The following FAF1 variants were observed in gnomAD, a reference collection of about 807,000 sequenced individuals.
The protein encoded by FAF1 is FAS-associated factor 1.
A neutral mutation model predicts 92.5 loss-of-function variants in FAF1; 25 were observed. That is an observed-to-expected ratio of 0.27 (90% CI 0.20 to 0.38). The LOEUF (loss-of-function observed/expected upper bound fraction) is 0.38. FAF1 is among the 10% of genes least tolerant of loss of function. The pLI is 1.00. For synonymous variants in FAF1, 234 were observed against 273.2 expected, an observed-to-expected ratio of 0.86 and a Z score of 1.42; for missense variants, 636 against 793.3, an observed-to-expected ratio of 0.80 and a Z score of 2.38.
intron 13 of FAF1, among the ~76,000 whole-genome samples, chr1:50,552,340 C>G (rs1444549990): frequency 6.6e-6 from 1 of 151,678 alleles, no homozygotes; most frequent in Non-Finnish European, 1.5e-5. Context: ...TTAAGCAACT[C>G]ACCCACCACA....
Position 50,440,253 on chromosome 1 carries a change from C to A in FAF1, c.*1187G>T, listed in dbSNP as rs1015808053. ...TAAACGGTGTTCTCATGATCTAAAC[C>A]CCAAACCCCAAATCTGTAGATTAAG... On this transcript the variant is annotated 3_prime_UTR_variant, in exon 19 of 19. Transcript: ENST00000396153. The A allele has an allele frequency of 6.6e-6, 1 of 152,046 alleles. No homozygotes were observed. The allele number at this position is 152,046 out of a possible 1,614,324, so 9.4% of individuals were successfully genotyped here. A position where few individuals can be genotyped will look rare whatever the true frequency, so the allele number is the denominator to read the frequency against.
At chr1:50,455,741 T>A (rs374058025) in intron 18 of FAF1, among the ~76,000 whole-genome samples, 1 of 152,290 alleles carries the variant, frequency 6.6e-6, no homozygotes, top group South Asian at 2.1e-4. Flanking sequence ...GCTAGAAGAA[T>A]TAAAATTTTG....
chr1:50,537,291 T>G (rs1466845087), intron 14 of FAF1, among the ~76,000 whole-genome samples: 1 of 152,180 alleles, frequency 6.6e-6, no homozygotes, highest in Non-Finnish European at 1.5e-5. Flanking sequence ...ATCAGCTATG[T>G]TTTAGCCCTA....
In FAF1 at chr1:50,836,170, GT is replaced by G. The variant is rs36053491; in HGVS notation, c.114+21758del. Reference sequence around the variant, plus strand: ...GTGTGTGTTTTTGTTTTTTGTTTCTGTTTTTTTTTTTTTTTTTTTAGACAGG... The same window carrying G: ...GTGTGTGTTTTTGTTTTTTGTTTCTGTTTTTTTTTTTTTTTTTTAGACAGG... On this transcript the variant is annotated intron_variant, in intron 2 of 18. Coordinates refer to ENST00000396153, the MANE Select transcript of FAF1 (RefSeq NM_007051.3). 7.2e-3 allele frequency among the ~76,000 whole-genome samples: 712 copies of G among 98,514 alleles called. 19 individuals carry two copies. Among genetic ancestry groups the G allele is most frequent in the African/African-American group, 0.027 (639 of 23,460 alleles). The allele number at this position is 98,514 out of a possible 152,430, so 64.6% of individuals were successfully genotyped here.
chr1:50,683,426 T>C (rs1656512633), intron 7 of FAF1, among the ~76,000 whole-genome samples: 4 of 151,536 alleles, frequency 2.6e-5, no homozygotes, highest in Non-Finnish European at 1.5e-5. Flanking sequence ...ACTTGGGAGG[T>C]TGAGGTGGGA....
Position 50,441,379 on chromosome 1 carries a change from C to A in FAF1, c.*61G>T. ...CGTGTGGGTGGGTTGGCGAGGAGCC[C>A]TTCTCCTGACGCAGGCTGCTGGCTT... On this transcript the variant is annotated 3_prime_UTR_variant, in exon 19 of 19. Transcript: ENST00000396153. 1 of 1,100,048 alleles carries A rather than the reference C, an allele frequency of 9.1e-7. No homozygotes were observed. The highest frequency in any genetic ancestry group is 1.3e-6 in the Non-Finnish European group (1 of 773,472). The allele number at this position is 1,100,048 out of a possible 1,614,324, so 68.1% of individuals were successfully genotyped here.
At chr1:50,528,370 T>C (rs1647953870) in intron 15 of FAF1, among the ~76,000 whole-genome samples, 1 of 152,206 alleles carries the variant, frequency 6.6e-6, no homozygotes, top group Admixed American at 6.5e-5. Flanking sequence ...TAAAAAAAAT[T>C]CTATTGATTT....
At chr1:50,716,733 T>C (rs1361824126) in intron 6 of FAF1, among the ~76,000 whole-genome samples, 1 of 152,166 alleles carries the variant, frequency 6.6e-6, no homozygotes, top group East Asian at 1.9e-4. Context: ...ATCAGTGCTG[T>C]GTGCGTAGCT....
In FAF1 at chr1:50,476,795, GA is replaced by G. The variant is rs796293498; in HGVS notation, c.1654-1117del. ...GTAATAAAAAAATTTAAAAGCTAGT[GA>G]AAAAAAACCAATAAAATAAGTGGAA... On this transcript the variant is annotated intron_variant, in intron 17 of 18. Coordinates refer to ENST00000396153, the MANE Select transcript of FAF1 (RefSeq NM_007051.3). Among the ~76,000 whole-genome samples, 63 of 147,548 alleles carry G rather than the reference GA, an allele frequency of 4.3e-4. 4 individuals carry two copies. Among genetic ancestry groups the G allele is most frequent in the African/African-American group, 1.4e-3 (55 of 38,334 alleles).
At chr1:50,499,220 G>A (rs759732757) in intron 15 of FAF1, among the ~76,000 whole-genome samples, 5 of 152,076 alleles carry the variant, frequency 3.3e-5, no homozygotes, top group African/African-American at 4.8e-5. Flanking sequence ...GAAGGAGAAT[G>A]GGGAGTTATT....
At chr1:50,457,337 T>C (rs1300442029) in intron 18 of FAF1, among the ~76,000 whole-genome samples, 2 of 152,110 alleles carry the variant, frequency 1.3e-5, no homozygotes, top group African/African-American at 4.8e-5. Context: ...CTGGGGAATC[T>C]ACCATTTGAT....
chr1:50,604,416 T>G (rs1024583853), intron 8 of FAF1, among the ~76,000 whole-genome samples: 2 of 152,234 alleles, frequency 1.3e-5, no homozygotes, highest in Non-Finnish European at 2.9e-5. Context: ...AACTGAGGTA[T>G]AGAGAGGTAA....
At chr1:50,592,777 G>A (rs1187747206) in intron 9 of FAF1, among the ~76,000 whole-genome samples, 2 of 152,004 alleles carry the variant, frequency 1.3e-5, no homozygotes, top group African/African-American at 4.8e-5. Context: ...GCAAAATCCT[G>A]TCTCTACTCA....
At chr1:50,908,974 T>G (rs571126588) in intron 1 of FAF1, among the ~76,000 whole-genome samples, 83 of 152,280 alleles carry the variant, frequency 5.5e-4, no homozygotes, top group African/African-American at 1.9e-3. Context: ...TAGCATCGAT[T>G]GTCTTTACAA....
intron 18 of FAF1, among the ~76,000 whole-genome samples, chr1:50,459,364 T>C (rs1646397309): frequency 6.6e-6 from 1 of 152,168 alleles, no homozygotes; most frequent in African/African-American, 2.4e-5. Flanking sequence ...CATTTTCTGG[T>C]GTTGAGCCAT....
intron 15 of FAF1, among the ~76,000 whole-genome samples, chr1:50,516,369 C>T (rs922921142): frequency 6.6e-6 from 1 of 152,150 alleles, no homozygotes; most frequent in African/African-American, 2.4e-5. Context: ...TGGTCTCTAA[C>T]AGCTTCAGGT....
In FAF1 at chr1:50,490,686, G is replaced by A. The variant is rs773136858; in HGVS notation, c.1576-21C>T. On this transcript the variant is annotated intron_variant, in intron 16 of 18. Coordinates refer to ENST00000396153, the MANE Select transcript of FAF1 (RefSeq NM_007051.3). The stretch of plus-strand genomic sequence containing the variant: ...TCCCTCTGTTGATAAAACAGAAAAG[G>A]AACAAGCACTTAACACATACTTGTT... 1.2e-5 allele frequency: 17 copies of A among 1,469,460 alleles called. No homozygotes were observed. In the Admixed American group the frequency reaches 2.8e-4, roughly 25 times the overall value. 91.0% of individuals were successfully genotyped at this position (1,469,460 alleles called of 1,614,324 possible). A position where few individuals can be genotyped will look rare whatever the true frequency, so the allele number is the denominator to read the frequency against.
chr1:50,873,435 T>C (rs1644544936), intron 1 of FAF1, among the ~76,000 whole-genome samples: 1 of 152,186 alleles, frequency 6.6e-6, no homozygotes, highest in Non-Finnish European at 1.5e-5. Context: ...TAGACATTAT[T>C]TGAAATGTAC....
chr1:50,786,489 G>C (rs146467249), intron 4 of FAF1, among the ~76,000 whole-genome samples: 1 of 152,298 alleles, frequency 6.6e-6, no homozygotes, highest in East Asian at 1.9e-4. Flanking sequence ...TGGGTACAGA[G>C]TTTCAGTTAT....
Sources: gnomAD v4.1 joint callset for allele counts (sites outside exome capture counted in the v4.1 genomes callset) on GRCh38, gnomAD v4.1.1 for gene constraint, MANE v1.5 for transcripts, NCBI Gene and HGNC (gene_info 2026-07-23, HGNC 2026-07-21) for gene names.